The following TOM1L2 variants were observed in gnomAD, a reference collection of about 807,000 sequenced individuals.
TOM1L2 encodes target of myb1 like 2 membrane trafficking protein.
A neutral mutation model predicts 67.9 loss-of-function variants in TOM1L2; 31 were observed. That is an observed-to-expected ratio of 0.46 (90% CI 0.34 to 0.62). TOM1L2 has a LOEUF of 0.62. TOM1L2 is among the 20% of genes least tolerant of loss of function. The pLI is 0.01. For synonymous variants in TOM1L2, 256 were observed against 254.0 expected (o/e 1.01, Z -0.07); for missense variants, 606 against 663.5 (o/e 0.91, Z 0.95).
chr17:17,912,070 G>A (rs1389967152), intron 1 of TOM1L2, among the ~76,000 whole-genome samples: 3 of 151,894 alleles, frequency 2.0e-5, no homozygotes, highest in East Asian at 1.9e-4. Context: ...ACACAGACAC[G>A]GCAACCATCC....
chr17:17,865,206 G>A (rs1333304245), intron 10 of TOM1L2, among the ~76,000 whole-genome samples: 1 of 152,160 alleles, frequency 6.6e-6, no homozygotes, highest in African/African-American at 2.4e-5. Context: ...TGATGGTAAA[G>A]TTCAAGGAGA....
At chr17:17,924,394 C>A (rs1439786064) in intron 1 of TOM1L2, among the ~76,000 whole-genome samples, 2 of 152,088 alleles carry the variant, frequency 1.3e-5, no homozygotes, top group Non-Finnish European at 2.9e-5. Context: ...TACTAAAAAC[C>A]ACTGACTTGT....
At chr17:17,937,843 A>G (rs2040571479) in intron 1 of TOM1L2, among the ~76,000 whole-genome samples, 1 of 152,216 alleles carries the variant, frequency 6.6e-6, no homozygotes, top group Non-Finnish European at 1.5e-5. Context: ...AGCACTCCAC[A>G]CTGGGCTCCA....
At chr17:17,933,714 T>C (rs543486042) in intron 1 of TOM1L2, among the ~76,000 whole-genome samples, 1 of 152,346 alleles carries the variant, frequency 6.6e-6, no homozygotes, top group Non-Finnish European at 1.5e-5. Context: ...TTTACTCTCA[T>C]CCTCTTTCCT....
chr17:17,853,562 C>T (rs908229818), intron 12 of TOM1L2, among the ~76,000 whole-genome samples: 9 of 152,164 alleles, frequency 5.9e-5, no homozygotes, highest in Non-Finnish European at 1.3e-4. Flanking sequence ...AAATAACTTC[C>T]CAAAAGCTGG....
intron 12 of TOM1L2, among the ~76,000 whole-genome samples, chr17:17,856,126 C>T (rs1200324669): frequency 1.3e-5 from 2 of 152,230 alleles, no homozygotes; most frequent in East Asian, 1.9e-4. Flanking sequence ...GCCAAGGCCA[C>T]CCTCAGGGGA....
intron 9 of TOM1L2, 46 bp downstream of exon 9, chr17:17,866,830 G>GT: frequency 6.4e-7 from 1 of 1,569,424 alleles, no homozygotes; most frequent in South Asian, 1.1e-5. Context: ...ACGTGGAGGG[G>GT]TAGGTCTGGC....
chr17:17,909,011 C>G (rs1352560427), intron 1 of TOM1L2, among the ~76,000 whole-genome samples: 1 of 152,120 alleles, frequency 6.6e-6, no homozygotes, highest in Non-Finnish European at 1.5e-5. Context: ...GAAACCCCGT[C>G]TCTACTAAAA....
chr17:17,850,817 C>T, intron 13 of TOM1L2, 76 bp downstream of exon 13: 1 of 1,528,230 alleles, frequency 6.5e-7, no homozygotes. Context: ...CCTGCTGATG[C>T]TCCCCCAAGG....
At chr17:17,899,644 C>T (rs931678192) in intron 2 of TOM1L2, among the ~76,000 whole-genome samples, 14 of 152,324 alleles carry the variant, frequency 9.2e-5, no homozygotes, top group South Asian at 4.1e-4. Context: ...TGGCACAAAG[C>T]CCCTGTGCTG....
intron 3 of TOM1L2, among the ~76,000 whole-genome samples, chr17:17,895,150 C>T (rs1360313130): frequency 2.6e-5 from 4 of 152,086 alleles, no homozygotes; most frequent in African/African-American, 4.8e-5. Context: ...TCTTGGAATT[C>T]GGAGGTGCCA....
At chr17:17,848,985 AT>A in intron 13 of TOM1L2, 126 bp from the exon 14 acceptor site, 1 of 768,814 alleles carries the variant, frequency 1.3e-6, no homozygotes, top group Non-Finnish European at 2.1e-6. Context: ...AAACTTCCTA[AT>A]TTTCCCTGTT....
In TOM1L2 at chr17:17,938,616, C is replaced by T. The variant is rs565611997; in HGVS notation, c.53-31085G>A. Among the ~76,000 whole-genome samples, 4 of 152,322 alleles carry T rather than the reference C, an allele frequency of 2.6e-5. No homozygotes were observed. The East Asian group carries it at 7.7e-4, about 29-fold the overall frequency. On this transcript the variant is annotated intron_variant, in intron 1 of 14. Coordinates refer to ENST00000379504, the MANE Select transcript of TOM1L2 (RefSeq NM_001082968.2). ...TTACAAATCTCTCCAGATTCCACTT[C>T]TACCCACATACTCATAAATGCACAG...
intron 1 of TOM1L2, among the ~76,000 whole-genome samples, chr17:17,930,791 T>C (rs2040299058): frequency 6.6e-6 from 1 of 152,184 alleles, no homozygotes. Context: ...ATAAGACAGT[T>C]ATTGCAACTA....
chr17:17,924,335 C>T (rs28428991), intron 1 of TOM1L2, among the ~76,000 whole-genome samples: 74,036 of 151,776 alleles, frequency 0.49, 19,111 homozygotes, highest in East Asian at 0.86. Context: ...GTGGTAATGG[C>T]TGAACAACGC....
intron 3 of TOM1L2, among the ~76,000 whole-genome samples, chr17:17,895,294 A>G (rs756326531): frequency 6.6e-6 from 1 of 152,224 alleles, no homozygotes; most frequent in Non-Finnish European, 1.5e-5. Flanking sequence ...GTCACCAGCA[A>G]CAGGGAACAT....
chr17:17,952,376 C>CTTTTTTT lies in TOM1L2; in HGVS notation c.52+19879_52+19885dup, dbSNP rs60388742. 1.2e-3 allele frequency among the ~76,000 whole-genome samples: 99 copies of CTTTTTTT among 79,872 alleles called. 1 individual carries two copies. The highest frequency in any genetic ancestry group is 1.4e-3 in the African/African-American group (32 of 22,846). The allele number at this position is 79,872 out of a possible 152,430, so 52.4% of individuals were successfully genotyped here. A position where few individuals can be genotyped will look rare whatever the true frequency, so the allele number is the denominator to read the frequency against. The stretch of plus-strand genomic sequence containing the variant: ...TATACAGTAAGTGCTTCTTTATTTT[C>CTTTTTTT]TTTTTTTTTTTTTTTTTTTTTTTTT... On this transcript the variant is annotated intron_variant, in intron 1 of 14. Transcript: ENST00000379504.
rs1555598776 is a variant in TOM1L2, at chr17:17,894,975, A to ACATACATGCATGCATG, written c.217-1166_217-1165insCATGCATGCATGTATG. 1.7e-3 allele frequency among the ~76,000 whole-genome samples: 252 copies of ACATACATGCATGCATG among 147,768 alleles called. 1 individual carries two copies. The highest frequency in any genetic ancestry group is 2.1e-3 in the Non-Finnish European group (139 of 66,974). Reference sequence around the variant, plus strand: ...TACATACATACATACATACATACATACATGCATGCATGCATGCATAAAATA... The same window carrying ACATACATGCATGCATG: ...TACATACATACATACATACATACATACATACATGCATGCATGCATGCATGCATGCATGCATAAAATA... On this transcript the variant is annotated intron_variant, in intron 3 of 14. Coordinates refer to ENST00000379504, the MANE Select transcript of TOM1L2 (RefSeq NM_001082968.2).
Position 17,844,200 on chromosome 17 carries a change from C to T in TOM1L2, c.*3435G>A, listed in dbSNP as rs9915248. ...GGTGGGCCCATGGCCTACCCCAAGC[C>T]ATCCAGAAGGCTGGGCCCAACTGAG... On this transcript the variant is annotated 3_prime_UTR_variant, in exon 15 of 15. Coordinates refer to ENST00000379504, the MANE Select transcript of TOM1L2 (RefSeq NM_001082968.2). 0.53 allele frequency: 80,771 copies of T among 152,168 alleles called. 22,634 individuals are homozygous for T. The highest frequency in any genetic ancestry group is 0.63 in the Non-Finnish European group (42,901 of 67,978). The allele number at this position is 152,168 out of a possible 1,614,324, so 9.4% of individuals were successfully genotyped here.
Sources: gnomAD v4.1 joint callset for allele counts (sites outside exome capture counted in the v4.1 genomes callset) on GRCh38, gnomAD v4.1.1 for gene constraint, MANE v1.5 for transcripts, NCBI Gene and HGNC (gene_info 2026-07-23, HGNC 2026-07-21) for gene names.